The following DIP2C variants were observed in gnomAD, a reference collection of about 807,000 sequenced individuals.
The protein encoded by DIP2C is disco-interacting protein 2 homolog C.
In DIP2C, 33 loss-of-function variants were observed where a neutral mutation model predicts 192.4. That is an observed-to-expected ratio of 0.17 (90% confidence interval 0.13 to 0.23). The LOEUF (loss-of-function observed/expected upper bound fraction) is 0.23. Ranked by LOEUF, DIP2C falls within the 10% of genes least tolerant of loss-of-function variation. DIP2C has a pLI of 1.00. For missense variants in DIP2C, 1,537 were observed against 2,110.1 expected (o/e 0.73, Z 5.32); for synonymous variants, 979 against 864.1 (o/e 1.13, Z -2.33).
At chr10:568,098 TG>T (rs1483501124) in intron 1 of DIP2C, among the ~76,000 whole-genome samples, 1 of 152,178 alleles carries the variant, frequency 6.6e-6, no homozygotes, top group Non-Finnish European at 1.5e-5. Context: ...GTCACAGCCC[TG>T]GAGCTCCACT....
At chr10:424,832 C>T (rs186891165) in intron 4 of DIP2C, among the ~76,000 whole-genome samples, 125 of 152,344 alleles carry the variant, frequency 8.2e-4, no homozygotes, top group African/African-American at 2.8e-3. Flanking sequence ...TCCCACCTAC[C>T]TCTTCCAAGA....
At chr10:613,608 T>C (rs1853241956) in intron 1 of DIP2C, among the ~76,000 whole-genome samples, 1 of 152,204 alleles carries the variant, frequency 6.6e-6, no homozygotes. Flanking sequence ...TCATGGTAAT[T>C]GGGATGGGGA....
intron 1 of DIP2C, chr10:650,823 T>C (rs901423050): frequency 8.5e-6 from 6 of 706,638 alleles, no homozygotes; most frequent in African/African-American, 1.8e-5. Context: ...CCAGATGTCC[T>C]CAGTTCTGCC....
intron 1 of DIP2C, among the ~76,000 whole-genome samples, chr10:684,045 A>G (rs982182511): frequency 2.0e-5 from 3 of 152,278 alleles, no homozygotes; most frequent in African/African-American, 4.8e-5. Flanking sequence ...GGAGCAGCCT[A>G]TGGGCCTGTG....
chr10:413,144 CTACT>C (rs1965294452), intron 8 of DIP2C, among the ~76,000 whole-genome samples: 1 of 151,934 alleles, frequency 6.6e-6, no homozygotes, highest in Non-Finnish European at 1.5e-5. Flanking sequence ...CTTTTAGTTA[CTACT>C]TTCTTTGTAA....
intron 1 of DIP2C, 145 bp from the exon 2 acceptor site, chr10:486,675 A>C (rs1209100130): frequency 1.7e-6 from 1 of 577,170 alleles, no homozygotes; most frequent in Non-Finnish European, 2.9e-6. Flanking sequence ...CACATCAAAC[A>C]ACTTCAGTTC....
chr10:588,919 G>A (rs1851244510), intron 1 of DIP2C, among the ~76,000 whole-genome samples: 1 of 152,238 alleles, frequency 6.6e-6, no homozygotes. Context: ...AGTTTTGTAA[G>A]AAACTGCTGA....
chr10:407,396 G>A (rs1199193150), intron 9 of DIP2C, among the ~76,000 whole-genome samples: 2 of 152,166 alleles, frequency 1.3e-5, no homozygotes, highest in Admixed American at 1.3e-4. Flanking sequence ...ATGAGCCTGA[G>A]TGTACTCATC....
intron 29 of DIP2C, among the ~76,000 whole-genome samples, chr10:334,490 C>T (rs1354939172): frequency 6.6e-6 from 1 of 151,710 alleles, no homozygotes; most frequent in Admixed American, 6.6e-5. Flanking sequence ...TGTAGTATAC[C>T]TTTGATGAAC....
chr10:467,298 A>G (rs1217490421), intron 3 of DIP2C, among the ~76,000 whole-genome samples: 1 of 150,650 alleles, frequency 6.6e-6, no homozygotes, highest in African/African-American at 2.4e-5. Flanking sequence ...ACCAAACACC[A>G]CATATTCTCA....
chr10:316,370 C>T (rs1473316710), intron 31 of DIP2C, among the ~76,000 whole-genome samples: 27 of 152,202 alleles, frequency 1.8e-4, no homozygotes, highest in Non-Finnish European at 1.5e-5. Context: ...GTCTTCTATG[C>T]TTCACGGCGA....
intron 2 of DIP2C, chr10:484,854 G>C (rs747839828): frequency 6.2e-7 from 1 of 1,611,630 alleles, no homozygotes; most frequent in Non-Finnish European, 8.5e-7. Flanking sequence ...CTTCTCGGAC[G>C]TCGCACACCC....
At chr10:620,901 G>A (rs1434299850) in intron 1 of DIP2C, among the ~76,000 whole-genome samples, 1 of 152,228 alleles carries the variant, frequency 6.6e-6, no homozygotes, top group African/African-American at 2.4e-5. Context: ...AACTAAATCT[G>A]TCGGCTGGAG....
In DIP2C at chr10:379,186, G is replaced by GCCCCCCCCCCCCCCCCCCCCC. The variant is rs1229353497; in HGVS notation, c.1991+3460_1991+3461insGGGGGGGGGGGGGGGGGGGGG. On this transcript the variant is annotated intron_variant, in intron 17 of 36. Coordinates refer to ENST00000280886, the MANE Select transcript of DIP2C (RefSeq NM_014974.3). ...GCTGCTGCTGGCTCCCGAGTGCCACGCCCCCCCCCCCCCCCCCCACAACCC... is the reference window on the plus strand; with the variant it reads ...GCTGCTGCTGGCTCCCGAGTGCCACGCCCCCCCCCCCCCCCCCCCCCCCCCCCCCCCCCCCCCCCACAACCC... Among the ~76,000 whole-genome samples, 3 of 9,114 alleles carry GCCCCCCCCCCCCCCCCCCCCC rather than the reference G, an allele frequency of 3.3e-4. 1 individual carries two copies. Among genetic ancestry groups the GCCCCCCCCCCCCCCCCCCCCC allele is most frequent in the Admixed American group, 1.2e-3 (1 of 844 alleles). 6.0% of individuals were successfully genotyped at this position (9,114 alleles called of 152,430 possible).
intron 1 of DIP2C, among the ~76,000 whole-genome samples, chr10:569,181 G>T (rs1336446096): frequency 6.6e-6 from 1 of 152,182 alleles, no homozygotes; most frequent in Non-Finnish European, 1.5e-5. Flanking sequence ...AATATGCAGA[G>T]ACTTCCGTGG....
chr10:410,440 G>A (rs770900251), intron 8 of DIP2C, among the ~76,000 whole-genome samples: 12 of 152,134 alleles, frequency 7.9e-5, no homozygotes, highest in Admixed American at 1.3e-4. Flanking sequence ...TCTTCAAGAC[G>A]GGCAGCTTTA....
At chr10:659,719 T>C (rs1008079328) in intron 1 of DIP2C, among the ~76,000 whole-genome samples, 5 of 152,238 alleles carry the variant, frequency 3.3e-5, no homozygotes, top group African/African-American at 1.2e-4. Flanking sequence ...TCGTTACCCC[T>C]GGCAACAGCA....
chr10:290,022 G>A (rs981268073), intron 32 of DIP2C, among the ~76,000 whole-genome samples: 27 of 152,202 alleles, frequency 1.8e-4, no homozygotes, highest in African/African-American at 5.3e-4. Flanking sequence ...CACCCGTGCC[G>A]GGGAGGATCC....
At chr10:347,513 C>T (rs1469988466) in intron 26 of DIP2C, among the ~76,000 whole-genome samples, 1 of 110,908 alleles carries the variant, frequency 9.0e-6, no homozygotes. Context: ...ATAGTTCTCC[C>T]GGAAACCCCA....
Sources: gnomAD v4.1 joint callset for allele counts (sites outside exome capture counted in the v4.1 genomes callset) on GRCh38, gnomAD v4.1.1 for gene constraint, MANE v1.5 for transcripts, NCBI Gene and HGNC (gene_info 2026-07-23, HGNC 2026-07-21) for gene names.